Variants in TIPIN observed in about 807,000 individuals in gnomAD.
TIPIN encodes the protein TIMELESS interacting protein.
A neutral mutation model predicts 35.6 loss-of-function variants in TIPIN; 29 were observed. The observed-to-expected ratio is 0.82, with a 90% CI of 0.61 to 1.11. The LOEUF (loss-of-function observed/expected upper bound fraction) is 1.11, where lower values mean the gene tolerates loss of function less well. Among genes scored for constraint, TIPIN ranks in the 50% most tolerant of loss-of-function variants. TIPIN has a pLI of 0.00. For missense variants in TIPIN, 296 were observed against 345.4 expected, an observed-to-expected ratio of 0.86 and a Z score of 1.13; for synonymous variants, 102 against 121.5, an observed-to-expected ratio of 0.84 and a Z score of 1.06.
chr15:66,344,247 G>C (rs1169129147), intron 6 of TIPIN, among the ~76,000 whole-genome samples: 1 of 151,898 alleles, frequency 6.6e-6, no homozygotes, highest in African/African-American at 2.4e-5. Context: ...TATAGGTGTT[G>C]ACCACTCTGG....
chr15:66,362,295 A>T (rs1206018675), intron 1 of TIPIN, among the ~76,000 whole-genome samples: 1 of 151,816 alleles, frequency 6.6e-6, no homozygotes, highest in African/African-American at 2.4e-5. Flanking sequence ...AAAGAGCGAA[A>T]CTCCATCTAA....
intron 1 of TIPIN, among the ~76,000 whole-genome samples, chr15:66,385,779 G>A (rs1164920370): frequency 6.8e-6 from 1 of 146,758 alleles, no homozygotes; most frequent in Non-Finnish European, 1.5e-5. Context: ...GAGCCACCGC[G>A]CCTGGCCTGG....
chr15:66,357,027 C>T (rs1373501225), upstream of TIPIN, among the ~76,000 whole-genome samples: 118 of 152,218 alleles, frequency 7.8e-4, no homozygotes, highest in Non-Finnish European at 1.5e-5. Flanking sequence ...AACGATCCTC[C>T]CACCTCAGCC....
At chr15:66,367,238 C>CTATATCTATATCTGTATCTA (rs1555410043) in intron 1 of TIPIN, among the ~76,000 whole-genome samples, 1 of 149,280 alleles carries the variant, frequency 6.7e-6, no homozygotes, top group Non-Finnish European at 1.5e-5. Context: ...GTATCTATAT[C>CTATATCTATATCTGTATCTA]TATATCTATC....
intron 1 of TIPIN, among the ~76,000 whole-genome samples, chr15:66,370,782 A>C (rs1349923193): frequency 6.6e-6 from 1 of 152,308 alleles, no homozygotes; most frequent in African/African-American, 2.4e-5. Context: ...TGAACTTTTC[A>C]TAATAAAAGA....
Position 66,373,373 on chromosome 15 carries a change from G to T in TIPIN, c.-9+13234C>A, listed in dbSNP as rs2093284589. Among the ~76,000 whole-genome samples the T allele has an allele frequency of 2.0e-5, 3 of 151,860 alleles. No homozygotes were observed. In the South Asian group the frequency reaches 6.3e-4, roughly 32 times the overall value. ...CCAGGTGTGGTGGCGGGCGCCTGTA[G>T]TCCCAGCTACTCGGGAGGCCGAGGC... On this transcript the variant is annotated intron_variant, in intron 1 of 7. Coordinates refer to the TIPIN transcript ENST00000562124.
chr15:66,345,239 G>C (rs2093116565), intron 6 of TIPIN, among the ~76,000 whole-genome samples: 2 of 151,968 alleles, frequency 1.3e-5, no homozygotes, highest in Admixed American at 1.3e-4. Context: ...GGCAGAGTAC[G>C]GCAATACAAA....
intron 1 of TIPIN, chr15:66,382,852 C>G: frequency 1.6e-6 from 1 of 633,518 alleles, no homozygotes; most frequent in Non-Finnish European, 2.0e-6. Flanking sequence ...CTGATTCATA[C>G]ACATATAGTT....
chr15:66,369,038 T>C (rs2093268234), intron 1 of TIPIN, among the ~76,000 whole-genome samples: 1 of 152,154 alleles, frequency 6.6e-6, no homozygotes, highest in Admixed American at 6.6e-5. Context: ...AATTCGGCTC[T>C]AAAATTCTAA....
At position 66,341,301 on chromosome 15, in the gene TIPIN, A is replaced by G; in HGVS notation, c.531T>C (p.Phe177=). ...TCTCACTTTCAGATAAGTTTGTCAGAAAGGGATCTAATTCAGTAGAAGTGA... is the reference window on the plus strand; with the variant it reads ...TCTCACTTTCAGATAAGTTTGTCAGGAAGGGATCTAATTCAGTAGAAGTGA... ...HDVTSTELDP[F]LTNLSESEMF... Residue 177 remains phenylalanine (F), a synonymous_variant, in exon 7 of 8, where the codon TTT becomes TTC. Transcript: ENST00000261881. The G allele has an allele frequency of 6.2e-7, 1 of 1,613,968 alleles. No individual in the cohort carries two copies. Among genetic ancestry groups the G allele is most frequent in the East Asian group, 2.2e-5 (1 of 44,854 alleles).
chr15:66,373,279 G>A (rs1038160143), intron 1 of TIPIN, among the ~76,000 whole-genome samples: 7 of 152,260 alleles, frequency 4.6e-5, no homozygotes, highest in Admixed American at 2.0e-4. Flanking sequence ...GGATCACGAG[G>A]TCAGGAGATT....
rs2093172800 is a variant in TIPIN, at chr15:66,352,184, G to A, written c.157C>T (p.Arg53Cys). 2 of 1,608,114 alleles carry A rather than the reference G, an allele frequency of 1.2e-6. No individual in the cohort carries two copies. The highest frequency in any genetic ancestry group is 1.1e-5 in the South Asian group (1 of 89,656). ...TTAACTGTTCTCTTTGGAGGTACAC[G>A]AACAGGTGCTCCATTTCCTGACTCT... ...DEESGNGAPVRVPPKRTVKRN... is the reference protein window; with the variant it reads ...DEESGNGAPVCVPPKRTVKRN... Residue 53 changes from arginine to cysteine, a missense_variant, in exon 3 of 8, where the codon CGT (arginine) becomes TGT (cysteine). Arg to Cys is a radical substitution (Grantham distance 180). Coordinates refer to ENST00000261881, the MANE Select transcript of TIPIN (RefSeq NM_017858.3).
chr15:66,336,837 T>G lies in TIPIN; in HGVS notation c.*121A>C. ...AAATAAATACCAGATTATCAGATTT[T>G]AAACAATAATCTATAACAGTTTTAC... On this transcript the variant is annotated 3_prime_UTR_variant, in exon 8 of 8. Transcript: ENST00000261881. 2.7e-6 allele frequency: 2 copies of G among 733,306 alleles called. No homozygotes were observed. The highest frequency in any genetic ancestry group is 4.4e-6 in the Non-Finnish European group (2 of 456,820). The allele number at this position is 733,306 out of a possible 1,614,324, so 45.4% of individuals were successfully genotyped here.
In TIPIN at chr15:66,337,191, A is replaced by G; in HGVS notation, c.683-10T>C. 6.2e-7 allele frequency: 1 copy of G among 1,607,592 alleles called. No homozygotes were observed. The highest frequency in any genetic ancestry group is 8.5e-7 in the Non-Finnish European group (1 of 1,175,288). On this transcript the variant is annotated splice_polypyrimidine_tract_variant and intron_variant, in intron 7 of 7. Transcript: ENST00000261881. ...GTATTCATTAACATATCTGAAAGAA[A>G]TCATACCATTATTATTCATTATAAG...
At chr15:66,346,280 G>A (rs1297692327) in intron 6 of TIPIN, among the ~76,000 whole-genome samples, 1 of 135,604 alleles carries the variant, frequency 7.4e-6, no homozygotes, top group South Asian at 2.3e-4. Context: ...TTTTTTTACT[G>A]CCATAGAATA....
At chr15:66,374,530 C>A (rs1352595114) in intron 1 of TIPIN, among the ~76,000 whole-genome samples, 1 of 152,040 alleles carries the variant, frequency 6.6e-6, no homozygotes, top group Non-Finnish European at 1.5e-5. Context: ...CTGCCTCAGC[C>A]TCCCAAGTAG....
At chr15:66,373,500 A>G (rs2093285063) in intron 1 of TIPIN, among the ~76,000 whole-genome samples, 2 of 151,870 alleles carry the variant, frequency 1.3e-5, no homozygotes, top group Non-Finnish European at 2.9e-5. Context: ...CTCAAAAAAA[A>G]AAAAAAAGGA....
intron 1 of TIPIN, among the ~76,000 whole-genome samples, chr15:66,381,295 G>A (rs1049704008): frequency 2.6e-5 from 4 of 151,924 alleles, no homozygotes; most frequent in Admixed American, 6.6e-5. Flanking sequence ...AAAATTAGCC[G>A]AGCGTGGTGG....
At chr15:66,386,608 G>A (rs1428804433) in exon 1 of TIPIN, 1 of 168,748 alleles carries the variant, frequency 5.9e-6, no homozygotes, top group Non-Finnish European at 1.3e-5. Context: ...GCCGGTTACC[G>A]CAGAGGTGGA....
Sources: allele counts gnomAD v4.1 joint callset (sites outside exome capture counted in the v4.1 genomes callset), GRCh38; gene constraint gnomAD v4.1.1; transcripts MANE v1.5; gene names NCBI Gene and HGNC (gene_info 2026-07-23, HGNC 2026-07-21).